MGA: variants seen among roughly 807,000 people sequenced by gnomAD.
MGA encodes the protein MAX dimerization protein MGA.
A neutral mutation model predicts 261.1 loss-of-function variants in MGA; 40 were observed. The ratio of observed to expected loss-of-function variants is 0.15; its 90% confidence interval spans 0.12 to 0.20. The LOEUF (loss-of-function observed/expected upper bound fraction) is 0.20, where lower values mean the gene tolerates loss of function less well. Among genes scored for constraint, MGA ranks in the 10% least tolerant of loss-of-function variants. MGA has a pLI of 1.00. For synonymous variants in MGA, 1,302 were observed against 1,290.6 expected, an observed-to-expected ratio of 1.01 and a Z score of -0.19; for missense variants, 3,397 against 3,630.5, an observed-to-expected ratio of 0.94 and a Z score of 1.65.
rs117314535 is a variant in MGA, at chr15:41,699,978, T to C, written c.2188+819T>C. ...AGTTCTGGGATACGTGTACAGAATG[T>C]GCAGGTTACATAGTTATACATGTGC... On this transcript the variant is annotated intron_variant, in intron 5 of 23. Coordinates refer to ENST00000219905, the MANE Select transcript of MGA (RefSeq NM_001164273.2). Among the ~76,000 whole-genome samples, 12 of 151,788 alleles carry C rather than the reference T, an allele frequency of 7.9e-5. No homozygotes were observed. The East Asian group carries it at 2.1e-3, about 27-fold the overall frequency.
At chr15:41,684,523 G>A (rs2058843836) in intron 2 of MGA, 1 of 370,286 alleles carries the variant, frequency 2.7e-6, no homozygotes, top group Non-Finnish European at 5.3e-6. Flanking sequence ...GAAAATAGAA[G>A]AAATCCTTTC....
At position 41,760,543 on chromosome 15, in the gene MGA, G is replaced by A. The variant is rs2151994475; in HGVS notation, c.7398+14G>A. 3 of 1,611,248 alleles carry A rather than the reference G, an allele frequency of 1.9e-6. No individual in the cohort carries two copies. Among genetic ancestry groups the A allele is most frequent in the Non-Finnish European group, 8.5e-7 (1 of 1,177,546 alleles). On this transcript the variant is annotated intron_variant, in intron 20 of 23. Coordinates refer to ENST00000219905, the MANE Select transcript of MGA (RefSeq NM_001164273.2). ...ATTCTTACTCGAGTAAGTGTTCTGT[G>A]TAAATGACAGTAAGAGCTTGACTAA... is the stretch of plus-strand genomic sequence containing the variant.
At chr15:41,682,455 G>T (rs1374717844) in intron 2 of MGA, among the ~76,000 whole-genome samples, 1 of 151,868 alleles carries the variant, frequency 6.6e-6, no homozygotes, top group Non-Finnish European at 1.5e-5. Flanking sequence ...CTTTACATTT[G>T]CTATTTTCAT....
intron 14 of MGA, among the ~76,000 whole-genome samples, chr15:41,741,359 A>AG (rs1164062334): frequency 6.6e-6 from 1 of 151,598 alleles, no homozygotes; most frequent in Non-Finnish European, 1.5e-5. Context: ...AAAAAAAAAA[A>AG]AAAAAAAAAG....
chr15:41,679,627 G>T (rs1285750860), intron 2 of MGA, among the ~76,000 whole-genome samples: 1 of 151,664 alleles, frequency 6.6e-6, no homozygotes, highest in Non-Finnish European at 1.5e-5. Flanking sequence ...ATTGTTCATT[G>T]TGTAGAAATA....
At chr15:41,651,707 CTCTTACCCCTT>C (rs2057057576) in intron 1 of MGA, among the ~76,000 whole-genome samples, 1 of 25,474 alleles carries the variant, frequency 3.9e-5, no homozygotes, top group Non-Finnish European at 9.5e-5. Context: ...CCCTTCCCCT[CTCTTACCCCTT>C]CCCCTTCTCT....
At chr15:41,712,510 G>A (rs1223343945) in intron 8 of MGA, among the ~76,000 whole-genome samples, 3 of 152,104 alleles carry the variant, frequency 2.0e-5, no homozygotes, top group Non-Finnish European at 2.9e-5. Flanking sequence ...GAGCCACTGC[G>A]CCTGGCCTTC....
In MGA at chr15:41,749,605, G is replaced by A. The variant is rs376635271; in HGVS notation, c.5998G>A (p.Ala2000Thr). 1.2e-5 allele frequency: 19 copies of A among 1,613,816 alleles called. No homozygotes were observed. The highest frequency in any genetic ancestry group is 1.6e-5 in the Non-Finnish European group (19 of 1,179,860). The stretch of plus-strand genomic sequence containing the variant: ...GAAGGTTCTACAGTCAGAAGGAGAG[G>A]CTGTAGACCCTGAGGCTAATGTAAT... The change falls in exon 17 of 24, where the codon GCT becomes ACT. Residue 2000 changes from alanine to threonine, a missense_variant. Around this residue, in one of 9 missense-constraint regions of MGA, gnomAD observed 1,410 missense variants for 1,386.4 expected, o/e 1.02. Transcript: ENST00000219905.
intron 1 of MGA, among the ~76,000 whole-genome samples, chr15:41,624,388 C>A (rs1395467392): frequency 2.0e-5 from 3 of 151,806 alleles, no homozygotes; most frequent in Admixed American, 6.6e-5. Flanking sequence ...GCTGGGACTA[C>A]AGGCAGACTA....
intron 2 of MGA, among the ~76,000 whole-genome samples, chr15:41,675,345 T>G (rs2058317420): frequency 6.6e-6 from 1 of 152,200 alleles, no homozygotes; most frequent in African/African-American, 2.4e-5. Flanking sequence ...TTTCACTATC[T>G]TTAGAGGCTA....
At position 41,768,771 on chromosome 15, in the gene MGA, C is replaced by T. The variant is rs1021769016; in HGVS notation, c.*1491C>T. The stretch of plus-strand genomic sequence containing the variant: ...TTATCCCAAATCCCACTCAGCATAT[C>T]TTCAGACCTAGGTTGTAAGACCAAC... On this transcript the variant is annotated 3_prime_UTR_variant, in exon 24 of 24. Coordinates refer to ENST00000219905, the MANE Select transcript of MGA (RefSeq NM_001164273.2). 1 of 152,372 alleles carries T rather than the reference C, an allele frequency of 6.6e-6. No homozygotes were observed. Among genetic ancestry groups the T allele is most frequent in the African/African-American group, 2.4e-5 (1 of 41,434 alleles). The allele number at this position is 152,372 out of a possible 1,614,324, so 9.4% of individuals were successfully genotyped here. A position where few individuals can be genotyped will look rare whatever the true frequency, so the allele number is the denominator to read the frequency against.
intron 1 of MGA, among the ~76,000 whole-genome samples, chr15:41,623,681 C>A (rs928524679): frequency 6.0e-5 from 9 of 150,108 alleles, no homozygotes; most frequent in African/African-American, 2.0e-4. Context: ...GAGTGGAGAT[C>A]GCGCCATTGC....
chr15:41,691,404 C>G (rs1234308943), intron 2 of MGA, among the ~76,000 whole-genome samples: 1 of 152,050 alleles, frequency 6.6e-6, no homozygotes, highest in Admixed American at 6.6e-5. Context: ...TCTTGCTAAA[C>G]TGATTTATTA....
chr15:41,643,124 CTTGAA>C (rs1192412866), intron 1 of MGA, among the ~76,000 whole-genome samples: 2 of 147,904 alleles, frequency 1.4e-5, no homozygotes, highest in Non-Finnish European at 3.0e-5. Flanking sequence ...TGGGGTTGGT[CTTGAA>C]TTGAGCTCAA....
chr15:41,695,392 T>C (rs1016900937), intron 2 of MGA, among the ~76,000 whole-genome samples: 1 of 152,146 alleles, frequency 6.6e-6, no homozygotes, highest in Non-Finnish European at 1.5e-5. Flanking sequence ...TTTCACCATG[T>C]TGGCCAGAAT....
Position 41,733,898 on chromosome 15 carries a change from C to T in MGA, c.3844-624C>T, listed in dbSNP as rs570372046. ...GTAATTATTAGGGTGTGCATCTTTCCACATTGGCAAATTTTGTTTCTTTCT... is the reference window on the plus strand; with the variant it reads ...GTAATTATTAGGGTGTGCATCTTTCTACATTGGCAAATTTTGTTTCTTTCT... On this transcript the variant is annotated intron_variant, in intron 11 of 23. Coordinates refer to ENST00000219905, the MANE Select transcript of MGA (RefSeq NM_001164273.2). 4.3e-4 allele frequency among the ~76,000 whole-genome samples: 63 copies of T among 147,428 alleles called. No homozygotes were observed. The South Asian group carries it at 0.011, about 25-fold the overall frequency.
At chr15:41,657,748 C>T (rs2057236011), upstream of MGA, among the ~76,000 whole-genome samples, 1 of 151,534 alleles carries the variant, frequency 6.6e-6, no homozygotes, top group Admixed American at 6.6e-5. Context: ...TATGAATGTT[C>T]TTTATTATAT....
At chr15:41,731,274 TTTG>T (rs1366864578) in intron 11 of MGA, among the ~76,000 whole-genome samples, 3 of 152,140 alleles carry the variant, frequency 2.0e-5, no homozygotes, top group Non-Finnish European at 4.4e-5. Context: ...AAATAAAAAC[TTTG>T]TTACCTATAT....
At chr15:41,689,129 T>A (rs1258587302) in intron 2 of MGA, among the ~76,000 whole-genome samples, 2 of 152,210 alleles carry the variant, frequency 1.3e-5, no homozygotes, top group African/African-American at 4.8e-5. Flanking sequence ...CCTTAATTTA[T>A]TGAATATAAT....
Sources: gnomAD v4.1 joint callset for allele counts (sites outside exome capture counted in the v4.1 genomes callset) on GRCh38, gnomAD v4.1.1 for gene constraint, gnomAD v4.1.1 regional missense constraint, MANE v1.5 for transcripts, NCBI Gene and HGNC (gene_info 2026-07-23, HGNC 2026-07-21) for gene names.